Variants in GNG2 observed in about 807,000 individuals in gnomAD.
The protein encoded by GNG2 is G protein subunit gamma 2.
A neutral mutation model predicts 5.5 loss-of-function variants in GNG2; 5 were observed. The observed-to-expected ratio is 0.91, with a 90% CI of 0.48 to 1.92. The LOEUF is 1.92. GNG2 is among the 30% of genes most tolerant of loss of function. GNG2 has a pLI of 0.01. For synonymous variants in GNG2, 28 were observed against 32.0 expected, an observed-to-expected ratio of 0.88 and a Z score of 0.42; for missense variants, 55 against 88.4, an observed-to-expected ratio of 0.62 and a Z score of 1.52.
chr14:51,924,457 G>C (rs981656135), intron 2 of GNG2, among the ~76,000 whole-genome samples: 1 of 152,160 alleles, frequency 6.6e-6, no homozygotes, highest in African/African-American at 2.4e-5. Context: ...AAACATTTAG[G>C]AAGATTGGGC....
chr14:51,938,039 C>A (rs1273084672), intron 2 of GNG2, among the ~76,000 whole-genome samples: 2 of 152,318 alleles, frequency 1.3e-5, no homozygotes, highest in South Asian at 2.1e-4. Flanking sequence ...TGGCTGGTTT[C>A]TTTAGAAACT....
At chr14:51,962,980 C>T (rs1889701221) in intron 3 of GNG2, among the ~76,000 whole-genome samples, 1 of 152,198 alleles carries the variant, frequency 6.6e-6, no homozygotes, top group African/African-American at 2.4e-5. Context: ...TTAATGAAGC[C>T]TCCACTTCAC....
intron 3 of GNG2, among the ~76,000 whole-genome samples, chr14:51,955,257 CCT>C (rs1290392865): frequency 6.6e-6 from 1 of 152,150 alleles, no homozygotes; most frequent in African/African-American, 2.4e-5. Flanking sequence ...CAAAGTGTCA[CCT>C]CTCTGGTTAT....
chr14:51,836,418 G>A (rs375357870), intron 2 of GNG2, among the ~76,000 whole-genome samples: 6 of 152,072 alleles, frequency 3.9e-5, no homozygotes, highest in African/African-American at 1.2e-4. Flanking sequence ...TGAACTCTTT[G>A]TGCCAGTATT....
chr14:51,833,542 TAGG>T (rs1453619038), intron 2 of GNG2, among the ~76,000 whole-genome samples: 1 of 152,216 alleles, frequency 6.6e-6, no homozygotes, highest in Admixed American at 6.5e-5. Context: ...ACTTACTCTT[TAGG>T]AGAAGTCCAG....
chr14:51,939,106 T>C (rs1014331702), intron 2 of GNG2, among the ~76,000 whole-genome samples: 8 of 152,004 alleles, frequency 5.3e-5, no homozygotes, highest in Admixed American at 2.0e-4. Flanking sequence ...TGGGCTTCTG[T>C]ATTAAAAAAA....
At chr14:51,841,032 A>G (rs1481107454) in intron 2 of GNG2, among the ~76,000 whole-genome samples, 1 of 152,242 alleles carries the variant, frequency 6.6e-6, no homozygotes, top group Non-Finnish European at 1.5e-5. Context: ...AGGAGTGACC[A>G]CAAATGCATA....
intron 2 of GNG2, among the ~76,000 whole-genome samples, chr14:51,946,901 T>C (rs777529586): frequency 6.6e-6 from 1 of 152,124 alleles, no homozygotes; most frequent in African/African-American, 2.4e-5. Context: ...GGAGGGGATT[T>C]TTTCATTGCT....
intron 2 of GNG2, among the ~76,000 whole-genome samples, chr14:51,840,836 G>A (rs1881463537): frequency 6.6e-6 from 1 of 152,112 alleles, no homozygotes; most frequent in Non-Finnish European, 1.5e-5. Flanking sequence ...AGTTAGTTAT[G>A]TTAGATAAGC....
At position 51,930,616 on chromosome 14, in the gene GNG2, C is replaced by T. The variant is rs955533820; in HGVS notation, c.-29-20034C>T. ...AAGATACAATATGAGTCCTTGAAGG[C>T]GACCTTTCACTATTAAATGTATCAC... On this transcript the variant is annotated intron_variant, in intron 2 of 3. Coordinates refer to ENST00000556766, the MANE Select transcript of GNG2 (RefSeq NM_053064.5). Among the ~76,000 whole-genome samples, 16 of 152,284 alleles carry T rather than the reference C, an allele frequency of 1.1e-4. No individual in the cohort carries two copies. The South Asian group carries it at 1.2e-3, about 12-fold the overall frequency.
At chr14:51,828,322 G>A (rs769441177) in intron 2 of GNG2, among the ~76,000 whole-genome samples, 3 of 152,164 alleles carry the variant, frequency 2.0e-5, no homozygotes, top group Non-Finnish European at 4.4e-5. Context: ...CCTGAGCTCC[G>A]GATTGTTTCC....
chr14:51,862,061 C>T (rs558638382), intron 1 of GNG2, among the ~76,000 whole-genome samples: 20 of 152,236 alleles, frequency 1.3e-4, no homozygotes, highest in African/African-American at 4.3e-4. Flanking sequence ...TATATGCCTC[C>T]TCCTTTATCA....
chr14:51,951,125 C>T (rs1174541413), intron 3 of GNG2, among the ~76,000 whole-genome samples: 1 of 152,154 alleles, frequency 6.6e-6, no homozygotes, highest in East Asian at 1.9e-4. Context: ...TTTTTCTGTC[C>T]TGGTTCAGGT....
intron 2 of GNG2, among the ~76,000 whole-genome samples, chr14:51,902,293 C>T (rs1392190359): frequency 1.3e-5 from 2 of 152,106 alleles, no homozygotes; most frequent in Non-Finnish European, 2.9e-5. Flanking sequence ...TATTTGTTTT[C>T]TATATTACAT....
intron 2 of GNG2, among the ~76,000 whole-genome samples, chr14:51,832,654 AT>A (rs1160071306): frequency 6.6e-6 from 1 of 152,156 alleles, no homozygotes; most frequent in Non-Finnish European, 1.5e-5. Context: ...CTCTTTCTGG[AT>A]TTTGGATGGC....
chr14:51,950,582 C>G, intron 2 of GNG2, 68 bp from the exon 3 acceptor site: 1 of 961,608 alleles, frequency 1.0e-6, no homozygotes, highest in Non-Finnish European at 1.6e-6. Context: ...CCCCTAGTTA[C>G]GATGAACTTG....
chr14:51,946,746 C>G (rs1377406435), intron 2 of GNG2, among the ~76,000 whole-genome samples: 4 of 152,074 alleles, frequency 2.6e-5, no homozygotes, highest in Non-Finnish European at 5.9e-5. Context: ...GGAGATCCCC[C>G]ACTACGTGAC....
chr14:51,858,087 G>A (rs1355608452), upstream of GNG2, among the ~76,000 whole-genome samples: 2 of 152,214 alleles, frequency 1.3e-5, no homozygotes, highest in African/African-American at 2.4e-5. Context: ...AATGTACTGG[G>A]ATAGGCTCAT....
chr14:51,863,148 A>G (rs1240496361), intron 1 of GNG2, among the ~76,000 whole-genome samples: 3 of 152,198 alleles, frequency 2.0e-5, no homozygotes, highest in African/African-American at 7.2e-5. Flanking sequence ...TTTAAGTCTA[A>G]AAGCTGTATA....
Sources: allele counts gnomAD v4.1 joint callset (sites outside exome capture counted in the v4.1 genomes callset), GRCh38; gene constraint gnomAD v4.1.1; transcripts MANE v1.5; gene names NCBI Gene and HGNC (gene_info 2026-07-23, HGNC 2026-07-21).